Variants in TACR3 observed in about 807,000 individuals in gnomAD.
TACR3 encodes neuromedin-K receptor.
TACR3 carries 34 observed loss-of-function variants against 35.0 expected under a neutral mutation model. That is an observed-to-expected ratio of 0.97 (90% CI 0.74 to 1.30). The LOEUF (loss-of-function observed/expected upper bound fraction) is 1.30, where lower values mean the gene tolerates loss of function less well. TACR3 is among the 50% of genes most tolerant of loss of function. The pLI is 0.00. For synonymous variants in TACR3, 233 were observed against 221.1 expected, an observed-to-expected ratio of 1.05 and a Z score of -0.48; for missense variants, 558 against 591.7, an observed-to-expected ratio of 0.94 and a Z score of 0.59.
intron 3 of TACR3, among the ~76,000 whole-genome samples, chr4:103,628,764 T>C (rs1363223049): frequency 6.6e-5 from 10 of 151,976 alleles, no homozygotes; most frequent in Non-Finnish European, 1.5e-4. Context: ...TTCCAATCAA[T>C]AGAAAAAGAG....
At chr4:103,628,573 C>A (rs970089519) in intron 3 of TACR3, among the ~76,000 whole-genome samples, 6 of 152,182 alleles carry the variant, frequency 3.9e-5, no homozygotes, top group Non-Finnish European at 8.8e-5. Context: ...TTCCTGGACA[C>A]ATACACCCTC....
At chr4:103,696,239 A>C (rs1722518077) in intron 1 of TACR3, among the ~76,000 whole-genome samples, 1 of 152,156 alleles carries the variant, frequency 6.6e-6, no homozygotes, top group Non-Finnish European at 1.5e-5. Context: ...ATAAACTGAG[A>C]CCATGCAAAG....
chr4:103,662,269 TAA>T (rs1725849695), intron 1 of TACR3, among the ~76,000 whole-genome samples: 1 of 149,306 alleles, frequency 6.7e-6, no homozygotes. Flanking sequence ...GCCCAGGCCG[TAA>T]GTGCAGTGGC....
intron 3 of TACR3, among the ~76,000 whole-genome samples, chr4:103,607,793 G>C (rs1483551840): frequency 1.3e-5 from 2 of 152,066 alleles, no homozygotes; most frequent in Non-Finnish European, 2.9e-5. Context: ...CAGTCAGATA[G>C]AGACAAAGGG....
intron 3 of TACR3, among the ~76,000 whole-genome samples, chr4:103,597,319 T>C (rs1400277469): frequency 2.0e-5 from 3 of 152,176 alleles, no homozygotes; most frequent in African/African-American, 4.8e-5. Context: ...TGATATCTCA[T>C]TGTGGTTTTG....
intron 3 of TACR3, among the ~76,000 whole-genome samples, chr4:103,630,588 C>T (rs1725035339): frequency 6.6e-6 from 1 of 152,172 alleles, no homozygotes; most frequent in Non-Finnish European, 1.5e-5. Context: ...AAATGCTCAT[C>T]ATCACTGGTC....
chr4:103,680,907 A>AT (rs1722057729), intron 1 of TACR3, among the ~76,000 whole-genome samples: 1 of 151,782 alleles, frequency 6.6e-6, no homozygotes, highest in Non-Finnish European at 1.5e-5. Flanking sequence ...CAGCATTCAC[A>AT]TTTTTTCAAA....
At chr4:103,599,149 C>T (rs1166580130) in intron 3 of TACR3, among the ~76,000 whole-genome samples, 4 of 152,102 alleles carry the variant, frequency 2.6e-5, no homozygotes, top group Non-Finnish European at 5.9e-5. Flanking sequence ...GTTTGTAGTT[C>T]TCCTTGAAGA....
intron 3 of TACR3, among the ~76,000 whole-genome samples, chr4:103,629,634 TAA>T (rs1308609817): frequency 6.6e-6 from 1 of 151,518 alleles, no homozygotes; most frequent in African/African-American, 2.4e-5. Flanking sequence ...CTCAATGAAA[TAA>T]AAGAGTACAC....
At chr4:103,671,171 G>A (rs879347348) in intron 1 of TACR3, among the ~76,000 whole-genome samples, 2 of 151,862 alleles carry the variant, frequency 1.3e-5, no homozygotes, top group Admixed American at 1.3e-4. Flanking sequence ...ATGTGTTGTT[G>A]AATTTGGCAT....
intron 3 of TACR3, among the ~76,000 whole-genome samples, chr4:103,591,932 T>C (rs1255319438): frequency 3.3e-5 from 5 of 152,080 alleles, no homozygotes; most frequent in African/African-American, 1.2e-4. Context: ...CACGGACAAA[T>C]ATATTTTGAT....
chr4:103,708,226 A>T (rs1722843902), intron 1 of TACR3, among the ~76,000 whole-genome samples: 1 of 152,232 alleles, frequency 6.6e-6, no homozygotes, highest in Non-Finnish European at 1.5e-5. Context: ...TTGACCCCTG[A>T]GTAGCCTAAA....
At chr4:103,616,263 G>C (rs75494191) in intron 3 of TACR3, among the ~76,000 whole-genome samples, 3,308 of 151,980 alleles carry the variant, frequency 0.022, 127 homozygotes, top group African/African-American at 0.077. Flanking sequence ...AAGAATTTTA[G>C]GGATTCTGGC....
At chr4:103,708,929 A>T (rs1722867266) in intron 1 of TACR3, among the ~76,000 whole-genome samples, 1 of 152,222 alleles carries the variant, frequency 6.6e-6, no homozygotes, top group African/African-American at 2.4e-5. Context: ...AAATTAATGA[A>T]ATGAAGCAAG....
chr4:103,677,992 C>T (rs1027781941), intron 1 of TACR3, among the ~76,000 whole-genome samples: 1 of 151,706 alleles, frequency 6.6e-6, no homozygotes, highest in East Asian at 1.9e-4. Flanking sequence ...GGATATTGTC[C>T]CTAGCTTTTC....
intron 3 of TACR3, among the ~76,000 whole-genome samples, chr4:103,629,850 C>CCA (rs1725008297): frequency 1.1e-5 from 1 of 90,086 alleles, no homozygotes; most frequent in Non-Finnish European, 2.2e-5. Flanking sequence ...CTAAGCAAAA[C>CCA]AAAAAAAAAA....
chr4:103,661,615 G>A (rs543618008), intron 1 of TACR3, among the ~76,000 whole-genome samples: 5 of 152,218 alleles, frequency 3.3e-5, no homozygotes, highest in African/African-American at 4.8e-5. Flanking sequence ...ATTGCAAATC[G>A]CATTGATTCT....
intron 1 of TACR3, among the ~76,000 whole-genome samples, chr4:103,678,042 A>G (rs1331537090): frequency 6.6e-6 from 1 of 152,170 alleles, no homozygotes; most frequent in Non-Finnish European, 1.5e-5. Context: ...AGCATAGGTT[A>G]TCTTTCTTCT....
chr4:103,629,448 G>A (rs1724991564), intron 3 of TACR3, among the ~76,000 whole-genome samples: 1 of 152,086 alleles, frequency 6.6e-6, no homozygotes, highest in East Asian at 1.9e-4. Flanking sequence ...AAAGTCTCAG[G>A]ATACAAAATC....
Sources: gnomAD v4.1 joint callset for allele counts (sites outside exome capture counted in the v4.1 genomes callset) on GRCh38, gnomAD v4.1.1 for gene constraint, MANE v1.5 for transcripts, NCBI Gene and HGNC (gene_info 2026-07-23, HGNC 2026-07-21) for gene names.